Variants in ZNF474 observed in about 807,000 individuals in gnomAD.
ZNF474 encodes the protein 4933409D10Rik.
For synonymous variants in ZNF474, 192 were observed against 162.2 expected, an observed-to-expected ratio of 1.18 and a Z score of -1.39; for missense variants, 511 against 433.8, an observed-to-expected ratio of 1.18 and a Z score of -1.58.
chr5:122,138,660 T>C (rs932164846), intron 1 of ZNF474, among the ~76,000 whole-genome samples: 1 of 152,216 alleles, frequency 6.6e-6, no homozygotes, highest in Non-Finnish European at 1.5e-5. Context: ...AAGTGTCAGA[T>C]GGACTAGCAT....
intron 1 of ZNF474, among the ~76,000 whole-genome samples, chr5:122,131,517 G>A (rs1269640976): frequency 6.6e-6 from 1 of 152,006 alleles, no homozygotes; most frequent in Non-Finnish European, 1.5e-5. Flanking sequence ...CAACATGGGT[G>A]AAACTTGAGG....
chr5:122,139,185 G>A (rs998633464), intron 1 of ZNF474, among the ~76,000 whole-genome samples: 23 of 152,096 alleles, frequency 1.5e-4, no homozygotes, highest in African/African-American at 5.3e-4. Flanking sequence ...CAGTTAACCT[G>A]TTTCCAATGT....
intron 1 of ZNF474, among the ~76,000 whole-genome samples, chr5:122,144,358 A>G (rs1276464034): frequency 6.6e-6 from 1 of 152,220 alleles, no homozygotes; most frequent in Non-Finnish European, 1.5e-5. Flanking sequence ...ACTATAAATT[A>G]GTGAATCCGG....
intron 1 of ZNF474, among the ~76,000 whole-genome samples, chr5:122,148,862 G>T (rs886359495): frequency 6.6e-6 from 1 of 151,640 alleles, no homozygotes; most frequent in African/African-American, 2.4e-5. Context: ...TCAGCCTCCT[G>T]AGTAGCTGGG....
intron 1 of ZNF474, among the ~76,000 whole-genome samples, chr5:122,142,726 G>A (rs1755879969): frequency 6.6e-6 from 1 of 152,164 alleles, no homozygotes; most frequent in Non-Finnish European, 1.5e-5. Context: ...ATTCAGCGAT[G>A]TCAAATGGTA....
intron 1 of ZNF474, among the ~76,000 whole-genome samples, chr5:122,140,593 G>A (rs541825422): frequency 6.6e-6 from 1 of 152,202 alleles, no homozygotes; most frequent in African/African-American, 2.4e-5. Context: ...ACAAAACAGA[G>A]TGAAATACAC....
chr5:122,151,148 G>C (rs1580610306), intron 1 of ZNF474, among the ~76,000 whole-genome samples: 1 of 152,274 alleles, frequency 6.6e-6, no homozygotes. Flanking sequence ...GGACACTCAA[G>C]AAGTCTGTGA....
chr5:122,153,484 T>C lies in ZNF474; in HGVS notation c.*399T>C, dbSNP rs759917185. The C allele has an allele frequency of 2.7e-5, 5 of 187,112 alleles. No individual in the cohort carries two copies. The highest frequency in any genetic ancestry group is 4.8e-5 in the African/African-American group (2 of 42,048). 11.6% of individuals were successfully genotyped at this position (187,112 alleles called of 1,614,324 possible). ...CATTTTTGGCAATGCTGGGTTATGC[T>C]GAGTTTATCTTACTAAAATAGAATC... On this transcript the variant is annotated 3_prime_UTR_variant, in exon 2 of 2. Coordinates refer to ENST00000296600, the MANE Select transcript of ZNF474 (RefSeq NM_207317.3).
chr5:122,151,528 C>G (rs574471165), intron 1 of ZNF474, among the ~76,000 whole-genome samples: 7 of 152,058 alleles, frequency 4.6e-5, no homozygotes, highest in Non-Finnish European at 1.0e-4. Context: ...ACTTTTTGGG[C>G]AGAACACGAT....
At chr5:122,151,715 G>C (rs1050934581) in intron 1 of ZNF474, 64 bp from the exon 2 acceptor site, 4 of 316,374 alleles carry the variant, frequency 1.3e-5, no homozygotes, top group South Asian at 5.1e-5. Context: ...ATGTGTGTGT[G>C]TGTGTGTGTG....
intron 1 of ZNF474, among the ~76,000 whole-genome samples, chr5:122,146,737 G>C (rs1029672770): frequency 6.6e-6 from 1 of 152,190 alleles, no homozygotes; most frequent in Non-Finnish European, 1.5e-5. Flanking sequence ...CTTCTATGAT[G>C]GTTCCAGCAT....
At position 122,153,179 on chromosome 5, in the gene ZNF474, A is replaced by T; in HGVS notation, c.*94A>T. On this transcript the variant is annotated 3_prime_UTR_variant, in exon 2 of 2. Coordinates refer to ENST00000296600, the MANE Select transcript of ZNF474 (RefSeq NM_207317.3). ...GTATCAGCCTCAAAGCAGCCTGTTC[A>T]AGTTAACTCCCTGTTGAACTCCAGG... 6.7e-7 allele frequency: 1 copy of T among 1,492,490 alleles called. No homozygotes were observed. The highest frequency in any genetic ancestry group is 9.0e-7 in the Non-Finnish European group (1 of 1,115,016). 92.5% of individuals were successfully genotyped at this position (1,492,490 alleles called of 1,614,324 possible).
chr5:122,151,682 C>A, intron 1 of ZNF474, 97 bp from the exon 2 acceptor site: 1 of 196,914 alleles, frequency 5.1e-6, no homozygotes, highest in Non-Finnish European at 1.0e-5. Flanking sequence ...AAAAAGCACA[C>A]ACACACACAC....
At chr5:122,143,953 T>C (rs1755918400) in intron 1 of ZNF474, among the ~76,000 whole-genome samples, 1 of 152,184 alleles carries the variant, frequency 6.6e-6, no homozygotes, top group African/African-American at 2.4e-5. Flanking sequence ...CAATTTTGTC[T>C]GTTTGTGTTT....
chr5:122,143,960 G>A (rs1355219943), intron 1 of ZNF474, among the ~76,000 whole-genome samples: 1 of 152,044 alleles, frequency 6.6e-6, no homozygotes, highest in Non-Finnish European at 1.5e-5. Flanking sequence ...GTCTGTTTGT[G>A]TTTTCCTTTT....
chr5:122,143,978 T>G (rs1398171014), intron 1 of ZNF474, among the ~76,000 whole-genome samples: 1 of 152,184 alleles, frequency 6.6e-6, no homozygotes, highest in Admixed American at 6.6e-5. Flanking sequence ...TTTTTTCTTT[T>G]TATTTCTTCT....
chr5:122,145,939 C>T (rs1044142696), intron 1 of ZNF474, among the ~76,000 whole-genome samples: 5 of 152,112 alleles, frequency 3.3e-5, no homozygotes, highest in Non-Finnish European at 5.9e-5. Flanking sequence ...CCAAGGAGGA[C>T]GCACAGACTG....
chr5:122,152,175 G>C lies in ZNF474; in HGVS notation c.185G>C (p.Arg62Thr), dbSNP rs1385466500. ...ENIKTDTQKK[R>T]PGTVILSKLS... is the part of the protein sequence containing the mutation. ...ATAAAGACAGACACTCAGAAAAAGA[G>C]ACCTGGGACTGTGATACTATCAAAA... The change falls in exon 2 of 2, where the codon AGA becomes ACA. Residue 62 changes from arginine to threonine, a missense_variant. By Grantham distance (71) the Arg-to-Thr change is moderately conservative (BLOSUM62 -1). Transcript: ENST00000296600. 1.2e-6 allele frequency: 2 copies of C among 1,613,994 alleles called. No homozygotes were observed. Among genetic ancestry groups the C allele is most frequent in the African/African-American group, 1.3e-5 (1 of 74,914 alleles).
At chr5:122,132,002 A>C (rs1489555766) in intron 1 of ZNF474, among the ~76,000 whole-genome samples, 6 of 152,088 alleles carry the variant, frequency 3.9e-5, no homozygotes, top group African/African-American at 1.4e-4. Context: ...TTTTCCTTTC[A>C]TGCACCTACC....
Sources: gnomAD v4.1 joint callset for allele counts (sites outside exome capture counted in the v4.1 genomes callset) on GRCh38, gnomAD v4.1.1 for gene constraint, MANE v1.5 for transcripts, NCBI Gene and HGNC (gene_info 2026-07-23, HGNC 2026-07-21) for gene names.